Variants in FGF13 observed in about 807,000 individuals in gnomAD.
FGF13 encodes fibroblast growth factor 13.
Under a neutral mutation model 19.5 loss-of-function variants are expected in FGF13, and 2 were observed. That is an observed-to-expected ratio of 0.10 (90% CI 0.04 to 0.32). The LOEUF (loss-of-function observed/expected upper bound fraction) is 0.32, where lower values mean the gene tolerates loss of function less well. Among genes scored for constraint, FGF13 ranks in the 10% least tolerant of loss-of-function variants. The probability of loss-of-function intolerance (pLI) is 1.00; values close to 1 mark genes in which losing one functional copy is unlikely to be tolerated. For synonymous variants in FGF13, 72 were observed against 76.9 expected (o/e 0.94, Z 0.33); for missense variants, 113 against 192.7 (o/e 0.59, Z 2.45).
intron 1 of FGF13, among the ~76,000 whole-genome samples, chrX:139,000,321 G>C (rs1200466048): frequency 8.9e-6 from 1 of 111,854 alleles, no homozygotes; most frequent in African/African-American, 3.3e-5. Flanking sequence ...ACATAGTATT[G>C]TAAGTTCTGG....
chrX:138,912,971 T>G (rs1422262484), intron 1 of FGF13, among the ~76,000 whole-genome samples: 2 of 110,871 alleles, frequency 1.8e-5, no homozygotes, highest in African/African-American at 6.6e-5. Context: ...AAGCCAGGTT[T>G]TCACTCTTGT....
At chrX:138,806,925 T>A (rs762858691) in intron 3 of FGF13, 1 of 111,440 alleles carries the variant, frequency 9.0e-6, no homozygotes, top group South Asian at 3.8e-4. Flanking sequence ...GAATATTCCA[T>A]GAAAATGTGT....
chrX:138,923,932 C>G (rs1419984335), intron 1 of FGF13, among the ~76,000 whole-genome samples: 1 of 111,815 alleles, frequency 8.9e-6, no homozygotes, highest in Non-Finnish European at 1.9e-5. Flanking sequence ...AGCCCATTAC[C>G]AAGGAAATCT....
chrX:138,776,815 C>T (rs766838566), intron 3 of FGF13, among the ~76,000 whole-genome samples: 7 of 111,433 alleles, frequency 6.3e-5, no homozygotes, highest in Admixed American at 1.9e-4. Flanking sequence ...CCTCTCTTTG[C>T]TTCCCATTTT....
intron 3 of FGF13, among the ~76,000 whole-genome samples, chrX:138,838,035 A>T (rs1292402900): frequency 4.5e-5 from 5 of 112,209 alleles, no homozygotes; most frequent in African/African-American, 1.6e-4. Context: ...AAACCTTGGT[A>T]GGTTTAGACT....
intron 3 of FGF13, among the ~76,000 whole-genome samples, chrX:138,643,553 T>C (rs2089272652): frequency 8.9e-6 from 1 of 112,199 alleles, no homozygotes; most frequent in African/African-American, 3.2e-5. Context: ...TAGTCTGACC[T>C]TAACCCTGCA....
At chrX:138,831,671 C>T (rs1434754544) in intron 3 of FGF13, among the ~76,000 whole-genome samples, 3 of 103,166 alleles carry the variant, frequency 2.9e-5, no homozygotes, top group African/African-American at 7.1e-5. Context: ...TATTCCATTT[C>T]TTTTTTTTTT....
chrX:138,963,020 T>C (rs1291446968), intron 1 of FGF13, among the ~76,000 whole-genome samples: 1 of 109,939 alleles, frequency 9.1e-6, no homozygotes, highest in Admixed American at 9.6e-5. Flanking sequence ...AAAAAAAAAG[T>C]GCAGCCATCA....
rs1263145849 is a variant in FGF13 at position 138,619,424 on chromosome X, T to C, written c.*13426A>G. 1 of 111,637 alleles carries C rather than the reference T, an allele frequency of 9.0e-6. No individual in the cohort carries two copies. Among genetic ancestry groups the C allele is most frequent in the Admixed American group, 9.5e-5 (1 of 10,526 alleles). The allele number at this position is 111,637 out of a possible 1,213,427, so 9.2% of individuals were successfully genotyped here. ...GGTTGATGGGTGCAGCAAACCACCA[T>C]GGCACGTGCATACCTATGTAACAAA... On this transcript the variant is annotated 3_prime_UTR_variant, in exon 5 of 5. Transcript: ENST00000315930.
chrX:138,900,384 A>G (rs1011940242), intron 1 of FGF13, among the ~76,000 whole-genome samples: 4 of 110,465 alleles, frequency 3.6e-5, no homozygotes, highest in African/African-American at 9.9e-5. Context: ...AATCTTCTCC[A>G]TCTCAATAAA....
At chrX:138,926,823 C>T (rs765349442) in intron 1 of FGF13, among the ~76,000 whole-genome samples, 110 of 111,034 alleles carry the variant, frequency 9.9e-4, no homozygotes, top group Non-Finnish European at 1.8e-3. Context: ...TGTGGTGTGG[C>T]GGGCTCCTGT....
At chrX:139,137,534 C>T (rs1013562581) in intron 1 of FGF13, among the ~76,000 whole-genome samples, 1 of 111,941 alleles carries the variant, frequency 8.9e-6, no homozygotes, top group Non-Finnish European at 1.9e-5. Flanking sequence ...GATGTACTGC[C>T]ACACTCATTA....
At chrX:138,641,033 T>C (rs1291132420) in intron 3 of FGF13, among the ~76,000 whole-genome samples, 1 of 112,187 alleles carries the variant, frequency 8.9e-6, no homozygotes, top group African/African-American at 3.2e-5. Context: ...TGTCCATACA[T>C]AAAATGGGAA....
At chrX:139,047,737 C>A (rs1290783408) in intron 1 of FGF13, among the ~76,000 whole-genome samples, 1 of 111,913 alleles carries the variant, frequency 8.9e-6, no homozygotes, top group East Asian at 2.8e-4. Flanking sequence ...TAGTACCTAG[C>A]ATACAGTGGG....
intron 1 of FGF13, among the ~76,000 whole-genome samples, chrX:139,178,210 C>G (rs1290337637): frequency 3.6e-5 from 4 of 112,402 alleles, no homozygotes; most frequent in African/African-American, 9.7e-5. Flanking sequence ...GCAATAAGAT[C>G]AATGGAAATT....
At chrX:138,875,127 G>A (rs779734857) in intron 1 of FGF13, among the ~76,000 whole-genome samples, 1 of 108,858 alleles carries the variant, frequency 9.2e-6, no homozygotes, top group Non-Finnish European at 1.9e-5. Context: ...AGCTACTCAG[G>A]AGGCTGAGGC....
intron 1 of FGF13, among the ~76,000 whole-genome samples, chrX:138,963,043 C>A (rs1387135275): frequency 8.9e-6 from 1 of 112,314 alleles, no homozygotes; most frequent in Non-Finnish European, 1.9e-5. Context: ...AATAGAATCC[C>A]CATTTGACTT....
At chrX:138,910,783 T>A (rs2091583619) in intron 1 of FGF13, among the ~76,000 whole-genome samples, 1 of 112,288 alleles carries the variant, frequency 8.9e-6, no homozygotes, top group Non-Finnish European at 1.9e-5. Flanking sequence ...TGACAGACAT[T>A]ATATTTAATG....
intron 1 of FGF13, among the ~76,000 whole-genome samples, chrX:139,016,615 T>A (rs2092154251): frequency 9.0e-6 from 1 of 111,338 alleles, no homozygotes; most frequent in Non-Finnish European, 1.9e-5. Flanking sequence ...ACTCGGGAGG[T>A]CTCCCAAGCA....
Sources: gnomAD v4.1 joint callset for allele counts (sites outside exome capture counted in the v4.1 genomes callset) on GRCh38, gnomAD v4.1.1 for gene constraint, MANE v1.5 for transcripts, NCBI Gene and HGNC (gene_info 2026-07-23, HGNC 2026-07-21) for gene names.